Variants in RELN observed in about 807,000 individuals in gnomAD.
The protein encoded by RELN is reelin.
Under a neutral mutation model 427.6 loss-of-function variants are expected in RELN, and 108 were observed. The observed-to-expected ratio is 0.25, with a 90% CI of 0.22 to 0.30. The LOEUF is 0.30. RELN is among the 10% of genes least tolerant of loss of function. RELN has a pLI of 1.00. For missense variants in RELN, 3,715 were observed against 4,302.8 expected, an observed-to-expected ratio of 0.86 and a Z score of 3.82; for synonymous variants, 1,524 against 1,513.4, an observed-to-expected ratio of 1.01 and a Z score of -0.16.
intron 3 of RELN, among the ~76,000 whole-genome samples, chr7:103,802,805 A>G (rs991130778): frequency 1.3e-5 from 2 of 152,146 alleles, no homozygotes; most frequent in African/African-American, 2.4e-5. Flanking sequence ...TTCCTTTCAC[A>G]TAAAATGTAG....
At chr7:103,849,324 CAG>C (rs1453400411) in intron 2 of RELN, among the ~76,000 whole-genome samples, 3 of 151,942 alleles carry the variant, frequency 2.0e-5, no homozygotes, top group African/African-American at 7.3e-5. Flanking sequence ...TTTTTTTCAA[CAG>C]AGTCTTCTCT....
Position 103,573,225 on chromosome 7 carries a change from G to C in RELN, c.4511+867C>G, listed in dbSNP as rs976694913. The stretch of plus-strand genomic sequence containing the variant: ...CAAAGTGCTGGCATTACAGGTGTGA[G>C]CTACCGCATCCAGCCAAGATGAGGA... On this transcript the variant is annotated intron_variant, in intron 30 of 64. Transcript: ENST00000428762. The surrounding 1 kb of genome is among the most constrained non-coding windows in gnomAD (Gnocchi z 4.4). Among the ~76,000 whole-genome samples the C allele has an allele frequency of 6.6e-6, 1 of 152,344 alleles. No individual in the cohort carries two copies. The highest frequency in any genetic ancestry group is 1.9e-4 in the East Asian group (1 of 5,184).
intron 1 of RELN, among the ~76,000 whole-genome samples, chr7:103,972,814 T>G (rs1796790719): frequency 6.6e-6 from 1 of 152,126 alleles, no homozygotes; most frequent in Non-Finnish European, 1.5e-5. Context: ...TCATATGTGT[T>G]CCTTTTCTGG....
At chr7:103,689,372 A>G (rs528927547) in intron 10 of RELN, among the ~76,000 whole-genome samples, 1 of 152,278 alleles carries the variant, frequency 6.6e-6, no homozygotes, top group East Asian at 1.9e-4. Context: ...CTGTAGGTCA[A>G]TTCCAGAGTT....
rs556845181 is a variant in RELN at position 103,824,484 on chromosome 7, A to G, written c.473+9053T>C. Among the ~76,000 whole-genome samples the G allele has an allele frequency of 7.9e-5, 12 of 152,156 alleles. No individual in the cohort carries two copies. Among genetic ancestry groups the G allele is most frequent in the African/African-American group, 2.9e-4 (12 of 41,552 alleles). On this transcript the variant is annotated intron_variant, in intron 3 of 64. Coordinates refer to ENST00000428762, the MANE Select transcript of RELN (RefSeq NM_005045.4). The surrounding 1 kb of genome is among the most constrained non-coding windows in gnomAD (Gnocchi z 4.4). ...TCCTGACAATAGCTCCAGGCCCCAT[A>G]TAGGTTAAAACTCCAGATCTAGGAC...
Position 103,715,949 on chromosome 7 carries a change from A to C in RELN, c.805+7191T>G, listed in dbSNP as rs1188772686. On this transcript the variant is annotated intron_variant, in intron 8 of 64. Transcript: ENST00000428762. ...ACACCCGAATGCTCATGCCTGGCCC[A>C]TTTTCTAGGAGGACTAATCCCCATC... is the stretch of plus-strand genomic sequence containing the variant. 5.3e-5 allele frequency among the ~76,000 whole-genome samples: 8 copies of C among 152,074 alleles called. No individual in the cohort carries two copies. The East Asian group carries it at 1.5e-3, about 29-fold the overall frequency.
chr7:103,659,705 T>G (rs1172086069), intron 12 of RELN, among the ~76,000 whole-genome samples: 1 of 152,154 alleles, frequency 6.6e-6, no homozygotes, highest in East Asian at 1.9e-4. Context: ...TATAGTCAGA[T>G]GGTACTTGTG....
rs79363746 is a variant in RELN, at chr7:103,908,407, G to A, written c.337+8668C>T. Among the ~76,000 whole-genome samples the A allele has an allele frequency of 7.4e-3, 1,121 of 152,172 alleles. 13 individuals are homozygous for A. Among genetic ancestry groups the A allele is most frequent in the African/African-American group, 0.026 (1,065 of 41,518 alleles). On this transcript the variant is annotated intron_variant, in intron 2 of 64. Transcript: ENST00000428762. The stretch of plus-strand genomic sequence containing the variant: ...TCCAACCTACAACTTTATGAACTGG[G>A]CACCATGGTTATTCTTGGTTTACAA...
intron 6 of RELN, among the ~76,000 whole-genome samples, chr7:103,731,635 T>G (rs887563814): frequency 4.6e-5 from 7 of 152,072 alleles, no homozygotes; most frequent in Non-Finnish European, 1.0e-4. Flanking sequence ...CAAATCCAAC[T>G]TTTAGAAAAA....
chr7:103,923,846 C>T (rs998160894), intron 1 of RELN, among the ~76,000 whole-genome samples: 8 of 152,142 alleles, frequency 5.3e-5, no homozygotes, highest in Admixed American at 4.6e-4. Context: ...AGATTTAATA[C>T]ACACTTCCTT....
chr7:103,677,895 T>C (rs1833572793), intron 11 of RELN, among the ~76,000 whole-genome samples: 1 of 152,096 alleles, frequency 6.6e-6, no homozygotes, highest in South Asian at 2.1e-4. Flanking sequence ...AGACGCCTTT[T>C]GTAGTGTCTT....
chr7:103,932,899 G>A (rs1795896043), intron 1 of RELN, among the ~76,000 whole-genome samples: 1 of 152,168 alleles, frequency 6.6e-6, no homozygotes, highest in Admixed American at 6.5e-5. Context: ...AAGTCCTCTG[G>A]CACACAGATG....
intron 1 of RELN, among the ~76,000 whole-genome samples, chr7:103,954,446 G>T (rs954099942): frequency 1.3e-5 from 2 of 151,742 alleles, no homozygotes; most frequent in Non-Finnish European, 2.9e-5. Flanking sequence ...GTGTAAGCAT[G>T]TGTGTGTGTG....
At chr7:103,722,539 G>A (rs1280396081) in intron 8 of RELN, among the ~76,000 whole-genome samples, 1 of 152,094 alleles carries the variant, frequency 6.6e-6, no homozygotes, top group African/African-American at 2.4e-5. Flanking sequence ...AAAATAAAAT[G>A]GAAGGTAATA....
intron 3 of RELN, among the ~76,000 whole-genome samples, chr7:103,823,152 A>G (rs1584269445): frequency 6.6e-6 from 1 of 152,190 alleles, no homozygotes; most frequent in Admixed American, 6.6e-5. Flanking sequence ...ATATAGTAAC[A>G]GTAGCTTACC....
intron 9 of RELN, among the ~76,000 whole-genome samples, chr7:103,699,278 C>T (rs750207010): frequency 1.9e-4 from 29 of 152,176 alleles, no homozygotes; most frequent in Admixed American, 4.6e-4. Context: ...CATATATATC[C>T]GTAAAATTGT....
At chr7:103,500,295 AATTTTCTAAACAAAAATTC>A (rs1236042222) in intron 53 of RELN, among the ~76,000 whole-genome samples, 1 of 152,206 alleles carries the variant, frequency 6.6e-6, no homozygotes, top group Non-Finnish European at 1.5e-5. Flanking sequence ...CAGAACACAG[AATTTTCTAAACAAAAATTC>A]AGGTACTGTT....
intron 42 of RELN, among the ~76,000 whole-genome samples, chr7:103,543,660 AATAAAATAAAAT>A (rs1157249595): frequency 6.6e-6 from 1 of 152,188 alleles, no homozygotes; most frequent in Non-Finnish European, 1.5e-5. Flanking sequence ...AAATAAATAA[AATAAAATAAAAT>A]ATAAAATAAA....
chr7:103,628,713 T>G (rs1404559771), intron 20 of RELN, among the ~76,000 whole-genome samples: 2 of 152,232 alleles, frequency 1.3e-5, no homozygotes, highest in Non-Finnish European at 2.9e-5. Context: ...TCAGTGATAT[T>G]CATCTGAAGG....
Sources: allele counts gnomAD v4.1 joint callset (sites outside exome capture counted in the v4.1 genomes callset), GRCh38; gene constraint gnomAD v4.1.1; non-coding constraint Gnocchi (gnomAD v3.1); transcripts MANE v1.5; gene names NCBI Gene and HGNC (gene_info 2026-07-23, HGNC 2026-07-21).